The following STK31 variants were observed in gnomAD, a reference collection of about 807,000 sequenced individuals.
STK31 encodes serine/threonine-protein kinase 31.
A neutral mutation model predicts 129.7 loss-of-function variants in STK31; 89 were observed. The ratio of observed to expected loss-of-function variants is 0.69; its 90% CI spans 0.58 to 0.82. The LOEUF (loss-of-function observed/expected upper bound fraction) is 0.82, where lower values mean the gene tolerates loss of function less well. Among genes scored for constraint, STK31 ranks in the 40% least tolerant of loss-of-function variants. The pLI, the probability that STK31 is intolerant of heterozygous loss-of-function variation, is 0.00. For synonymous variants in STK31, 448 were observed against 395.3 expected, an observed-to-expected ratio of 1.13 and a Z score of -1.58; for missense variants, 1,187 against 1,176.4, an observed-to-expected ratio of 1.01 and a Z score of -0.13.
At chr7:23,768,804 A>G (rs1584413209) in intron 11 of STK31, among the ~76,000 whole-genome samples, 191 bp from the exon 12 acceptor site, 2 of 152,208 alleles carry the variant, frequency 1.3e-5, no homozygotes. Flanking sequence ...CTTTACTGTT[A>G]TGGTCCAAAT....
chr7:23,753,821 G>T (rs1045602748), intron 9 of STK31, among the ~76,000 whole-genome samples: 10 of 152,128 alleles, frequency 6.6e-5, no homozygotes, highest in African/African-American at 2.2e-4. Flanking sequence ...TATTAGAAAT[G>T]TTTTGGGTCT....
chr7:23,754,936 T>C (rs1042900911), intron 10 of STK31: 1 of 155,816 alleles, frequency 6.4e-6, no homozygotes, highest in African/African-American at 2.4e-5. Flanking sequence ...TCTTTGCCAT[T>C]GTGAACAGTG....
intron 3 of STK31, among the ~76,000 whole-genome samples, chr7:23,714,568 G>A (rs927377595): frequency 3.3e-5 from 5 of 152,110 alleles, no homozygotes; most frequent in Admixed American, 3.3e-4. Context: ...AATATAATTA[G>A]CATAAAAATG....
At chr7:23,721,894 C>T (rs568300607) in intron 4 of STK31, 15 of 394,758 alleles carry the variant, frequency 3.8e-5, no homozygotes, top group African/African-American at 1.2e-4. Context: ...GCATGCGTCA[C>T]GTAGTTCTCG....
At chr7:23,758,796 A>G (rs1338103098) in intron 10 of STK31, among the ~76,000 whole-genome samples, 1 of 152,178 alleles carries the variant, frequency 6.6e-6, no homozygotes, top group Non-Finnish European at 1.5e-5. Context: ...GAGCAATACT[A>G]ACCTTAAATG....
At chr7:23,731,243 A>G (rs1787417518) in intron 6 of STK31, among the ~76,000 whole-genome samples, 1 of 152,082 alleles carries the variant, frequency 6.6e-6, no homozygotes, top group South Asian at 2.1e-4. Context: ...GCTAATTGGC[A>G]CACAATGTTT....
intron 22 of STK31, among the ~76,000 whole-genome samples, chr7:23,806,634 C>T (rs550091907): frequency 6.6e-6 from 1 of 152,290 alleles, no homozygotes; most frequent in Non-Finnish European, 1.5e-5. Context: ...GGCGCGGTGG[C>T]TCACGCCAGT....
chr7:23,788,252 C>G, intron 21 of STK31, 123 bp downstream of exon 21: 1 of 850,370 alleles, frequency 1.2e-6, no homozygotes, highest in Non-Finnish European at 1.6e-6. Flanking sequence ...TAAACTGTGT[C>G]ATGTAGTATA....
chr7:23,826,287 T>C (rs1794144687), intron 23 of STK31, among the ~76,000 whole-genome samples: 1 of 152,184 alleles, frequency 6.6e-6, no homozygotes, highest in Admixed American at 6.5e-5. Flanking sequence ...TCCTCCTGTA[T>C]TGGGTGCATA....
intron 23 of STK31, among the ~76,000 whole-genome samples, chr7:23,825,111 A>T (rs1398816621): frequency 6.6e-6 from 1 of 152,134 alleles, no homozygotes; most frequent in Admixed American, 6.5e-5. Flanking sequence ...TGCTGGCCTC[A>T]TAAAATGAGT....
intron 8 of STK31, among the ~76,000 whole-genome samples, chr7:23,746,128 C>G (rs1788337213): frequency 6.6e-6 from 1 of 152,070 alleles, no homozygotes; most frequent in Non-Finnish European, 1.5e-5. Context: ...TGGGGCTGGG[C>G]ACACAAAATG....
chr7:23,802,932 C>T (rs918340944), intron 22 of STK31, among the ~76,000 whole-genome samples: 1 of 152,208 alleles, frequency 6.6e-6, no homozygotes, highest in Non-Finnish European at 1.5e-5. Flanking sequence ...ATCTTTACTA[C>T]ATTGAGCCTT....
chr7:23,809,617 T>C lies in STK31; in HGVS notation c.2761-5527T>C, dbSNP rs1355318944. On this transcript the variant is annotated intron_variant, in intron 22 of 23. Transcript: ENST00000355870. ...TTATATATGCAGGCTTTATGTCTTA[T>C]TAATAGTGTATTTTTCCATCCATGT... Among the ~76,000 whole-genome samples the C allele has an allele frequency of 3.9e-5, 6 of 152,304 alleles. No homozygotes were observed. The East Asian group carries it at 1.2e-3, about 29-fold the overall frequency.
At chr7:23,820,749 C>T (rs1162386056) in intron 23 of STK31, among the ~76,000 whole-genome samples, 6 of 152,272 alleles carry the variant, frequency 3.9e-5, no homozygotes, top group East Asian at 1.9e-4. Flanking sequence ...GTTATAGCTC[C>T]GACATATGAG....
chr7:23,830,305 C>T lies in STK31; in HGVS notation c.2830-1831C>T, dbSNP rs77781777. Among the ~76,000 whole-genome samples, 249 of 152,024 alleles carry T rather than the reference C, an allele frequency of 1.6e-3. 7 individuals are homozygous for T. In the East Asian group the frequency reaches 0.041, roughly 25 times the overall value. ...GTATTTCACTTAGTTCTGCTCCCAT[C>T]GTTATTCTTCGTTTTCTACTAATAT... On this transcript the variant is annotated intron_variant, in intron 23 of 23. Transcript: ENST00000355870.
At chr7:23,731,183 A>C (rs1290067496) in intron 6 of STK31, among the ~76,000 whole-genome samples, 1 of 151,842 alleles carries the variant, frequency 6.6e-6, no homozygotes, top group Admixed American at 6.6e-5. Flanking sequence ...CCGGCTAAAC[A>C]TTTGTATTTG....
intron 22 of STK31, among the ~76,000 whole-genome samples, chr7:23,797,536 A>G (rs1792050732): frequency 1.3e-5 from 2 of 152,224 alleles, no homozygotes; most frequent in Non-Finnish European, 2.9e-5. Flanking sequence ...AAATTAAGGC[A>G]GAAATAAATA....
chr7:23,824,743 A>G (rs1296185074), intron 23 of STK31, among the ~76,000 whole-genome samples: 1 of 152,042 alleles, frequency 6.6e-6, no homozygotes, highest in Non-Finnish European at 1.5e-5. Flanking sequence ...TTTGTCATAG[A>G]TACCTCTTAT....
rs538378848 is a variant in STK31, at chr7:23,735,526, C to G, written c.484-12C>G. The stretch of plus-strand genomic sequence containing the variant: ...TGTTGGTGTAGCTGGTTTATGTTTT[C>G]TTCTTTCTTAGGGCACAACCTTTTT... On this transcript the variant is annotated splice_polypyrimidine_tract_variant and intron_variant, in intron 6 of 23. Coordinates refer to ENST00000355870, the MANE Select transcript of STK31 (RefSeq NM_031414.5). The G allele has an allele frequency of 6.4e-7, 1 of 1,563,302 alleles. No homozygotes were observed. The highest frequency in any genetic ancestry group is 1.4e-5 in the African/African-American group (1 of 72,732).
Sources: allele counts gnomAD v4.1 joint callset (sites outside exome capture counted in the v4.1 genomes callset), GRCh38; gene constraint gnomAD v4.1.1; transcripts MANE v1.5; gene names NCBI Gene and HGNC (gene_info 2026-07-23, HGNC 2026-07-21).